The following SFMBT1 variants were observed in gnomAD, a reference collection of about 807,000 sequenced individuals.
The protein encoded by SFMBT1 is scm-like with four MBT domains protein 1.
Under a neutral mutation model 108.7 loss-of-function variants are expected in SFMBT1, and 32 were observed. The observed-to-expected ratio is 0.29, with a 90% CI of 0.22 to 0.40. The LOEUF (loss-of-function observed/expected upper bound fraction) is 0.40, where lower values mean the gene tolerates loss of function less well. SFMBT1 is among the 10% of genes least tolerant of loss of function. SFMBT1 has a pLI of 1.00. For missense variants in SFMBT1, 816 were observed against 1,059.6 expected (o/e 0.77, Z 3.19); for synonymous variants, 348 against 369.5 (o/e 0.94, Z 0.67).
intron 2 of SFMBT1, among the ~76,000 whole-genome samples, chr3:52,966,246 G>A (rs1317658960): frequency 6.7e-6 from 1 of 149,622 alleles, no homozygotes; most frequent in African/African-American, 2.5e-5. Flanking sequence ...GAACCCGGGA[G>A]GCAAAGCTTG....
chr3:52,933,762 A>T (rs1199218907), intron 5 of SFMBT1, among the ~76,000 whole-genome samples: 1 of 152,214 alleles, frequency 6.6e-6, no homozygotes, highest in Non-Finnish European at 1.5e-5. Flanking sequence ...TGGATGACAG[A>T]AGTAAATGTA....
chr3:53,001,141 C>A (rs1185327137), intron 1 of SFMBT1, among the ~76,000 whole-genome samples: 1 of 150,354 alleles, frequency 6.7e-6, no homozygotes, highest in Non-Finnish European at 1.5e-5. Context: ...GGTCATCGAC[C>A]CCCTTTCTTT....
chr3:53,023,807 C>T (rs540348152), intron 1 of SFMBT1, among the ~76,000 whole-genome samples: 1 of 152,228 alleles, frequency 6.6e-6, no homozygotes, highest in African/African-American at 2.4e-5. Flanking sequence ...CCTAGAATTA[C>T]ATCCCTCTTG....
intron 2 of SFMBT1, among the ~76,000 whole-genome samples, chr3:52,966,298 G>C (rs1171011516): frequency 7.3e-6 from 1 of 137,088 alleles, no homozygotes; most frequent in Non-Finnish European, 1.6e-5. Flanking sequence ...CTGCAGCCTG[G>C]GCGACAGAGC....
At chr3:52,925,121 C>T (rs992272320) in intron 10 of SFMBT1, among the ~76,000 whole-genome samples, 9 of 150,948 alleles carry the variant, frequency 6.0e-5, no homozygotes, top group African/African-American at 1.2e-4. Flanking sequence ...CTTGGGAGGC[C>T]GAGGCAGGAG....
At chr3:52,999,092 G>A (rs1250354688) in intron 1 of SFMBT1, among the ~76,000 whole-genome samples, 1 of 150,870 alleles carries the variant, frequency 6.6e-6, no homozygotes, top group Non-Finnish European at 1.5e-5. Flanking sequence ...CCCAAGGCCT[G>A]CGCCGGCGTC....
chr3:52,969,335 C>G, intron 1 of SFMBT1, 77 bp from the exon 2 acceptor site: 1 of 1,383,578 alleles, frequency 7.2e-7, no homozygotes, highest in Non-Finnish European at 9.4e-7. Flanking sequence ...GGGCACTCGA[C>G]TGGTTGAGAG....
At chr3:52,940,689 T>G (rs999792545) in intron 4 of SFMBT1, among the ~76,000 whole-genome samples, 1 of 152,228 alleles carries the variant, frequency 6.6e-6, no homozygotes, top group African/African-American at 2.4e-5. Flanking sequence ...TATAAATGGA[T>G]ACTAAGAATA....
At chr3:52,906,273 G>T in intron 19 of SFMBT1, 32 bp from the exon 20 acceptor site, 1 of 1,613,424 alleles carries the variant, frequency 6.2e-7, no homozygotes. Context: ...CAAACCAAAT[G>T]GTGTTACGGC....
chr3:52,982,814 G>T (rs146807648), intron 1 of SFMBT1, among the ~76,000 whole-genome samples: 2 of 145,520 alleles, frequency 1.4e-5, no homozygotes, highest in East Asian at 4.1e-4. Flanking sequence ...ATTAACAGAA[G>T]ACGACTTGAT....
chr3:52,916,117 T>C (rs762694623), intron 14 of SFMBT1, 33 bp downstream of exon 14: 1 of 1,575,658 alleles, frequency 6.3e-7, no homozygotes, highest in South Asian at 1.1e-5. Context: ...AGAAACTAAG[T>C]CTTCTTTTCC....
At chr3:52,970,276 C>T (rs551230259) in intron 1 of SFMBT1, among the ~76,000 whole-genome samples, 1 of 152,208 alleles carries the variant, frequency 6.6e-6, no homozygotes, top group Admixed American at 6.5e-5. Flanking sequence ...CTTGCAGTTC[C>T]TTCCTATTCC....
At chr3:52,913,077 T>C (rs1360787313) in intron 15 of SFMBT1, among the ~76,000 whole-genome samples, 1 of 152,228 alleles carries the variant, frequency 6.6e-6, no homozygotes, top group Non-Finnish European at 1.5e-5. Context: ...AAAGGTCTCT[T>C]ATCTGTTACT....
At chr3:52,960,265 T>C (rs571462855) in intron 2 of SFMBT1, among the ~76,000 whole-genome samples, 1 of 152,130 alleles carries the variant, frequency 6.6e-6, no homozygotes, top group Admixed American at 6.6e-5. Context: ...ATGAAAAGAA[T>C]ACGTATCAAC....
At position 53,009,093 on chromosome 3, in the gene SFMBT1, T is replaced by G. The variant is rs541760298; in HGVS notation, c.-131+36723A>C. On this transcript the variant is annotated intron_variant, in intron 1 of 20. Transcript: ENST00000394752. ...GAGTTGGAGATCAATCTGGGCAACA[T>G]AGCAAGACCCTGTGTCTATAACAAG... Among the ~76,000 whole-genome samples the G allele has an allele frequency of 2.6e-5, 4 of 151,582 alleles. No individual in the cohort carries two copies. In the South Asian group the frequency reaches 8.3e-4, roughly 32 times the overall value.
rs191019372 is a variant in SFMBT1, at chr3:52,999,056, G to A, written c.-130-29798C>T. On this transcript the variant is annotated intron_variant, in intron 1 of 20. Coordinates refer to ENST00000394752, the MANE Select transcript of SFMBT1 (RefSeq NM_016329.4). Reference sequence around the variant, plus strand: ...ACCCCTTGTCATCCATGCGTAAGCCGGGGACGCCCGAGGACATGCTCTTCA... The same window carrying A: ...ACCCCTTGTCATCCATGCGTAAGCCAGGGACGCCCGAGGACATGCTCTTCA... Among the ~76,000 whole-genome samples the A allele has an allele frequency of 1.0e-3, 157 of 150,866 alleles. 1 individual carries two copies. The highest frequency in any genetic ancestry group is 3.5e-3 in the African/African-American group (145 of 41,456).
Position 52,904,321 on chromosome 3 carries a change from C to A in SFMBT1, c.*815G>T, listed in dbSNP as rs555745084. The A allele has an allele frequency of 6.6e-6, 1 of 152,166 alleles. No homozygotes were observed. The highest frequency in any genetic ancestry group is 1.5e-5 in the Non-Finnish European group (1 of 68,028). The allele number at this position is 152,166 out of a possible 1,614,324, so 9.4% of individuals were successfully genotyped here. A position where few individuals can be genotyped will look rare whatever the true frequency, so the allele number is the denominator to read the frequency against. ...TGATGTTACTTAACACAGGCAGCCTCGGCTGGGTCAAGATGGAGAACAGTA... is the reference window on the plus strand; with the variant it reads ...TGATGTTACTTAACACAGGCAGCCTAGGCTGGGTCAAGATGGAGAACAGTA... On this transcript the variant is annotated 3_prime_UTR_variant, in exon 21 of 21. Transcript: ENST00000394752.
chr3:53,014,588 T>C (rs1699065430), intron 1 of SFMBT1, among the ~76,000 whole-genome samples: 1 of 152,256 alleles, frequency 6.6e-6, no homozygotes, highest in Non-Finnish European at 1.5e-5. Context: ...CTTTTACTGA[T>C]AACAGATCTT....
At chr3:53,038,444 G>A (rs1699933183) in intron 1 of SFMBT1, among the ~76,000 whole-genome samples, 1 of 152,140 alleles carries the variant, frequency 6.6e-6, no homozygotes. Flanking sequence ...TTTCCAGAAA[G>A]TCAAAAACAT....
Sources: allele counts gnomAD v4.1 joint callset (sites outside exome capture counted in the v4.1 genomes callset), GRCh38; gene constraint gnomAD v4.1.1; transcripts MANE v1.5; gene names NCBI Gene and HGNC (gene_info 2026-07-23, HGNC 2026-07-21).